The following DNAJC1 variants were observed in gnomAD, a reference collection of about 807,000 sequenced individuals.
The protein encoded by DNAJC1 is DnaJ heat shock protein family (Hsp40) member C1.
In DNAJC1, 58 loss-of-function variants were observed where a neutral mutation model predicts 76.6. The ratio of observed to expected loss-of-function variants is 0.76; its 90% confidence interval spans 0.61 to 0.94. The LOEUF is 0.94. DNAJC1 is among the 40% of genes least tolerant of loss of function. DNAJC1 has a pLI of 0.00. For missense variants in DNAJC1, 689 were observed against 677.3 expected, an observed-to-expected ratio of 1.02 and a Z score of -0.19; for synonymous variants, 258 against 267.9, an observed-to-expected ratio of 0.96 and a Z score of 0.36.
intron 9 of DNAJC1, among the ~76,000 whole-genome samples, chr10:21,770,849 AT>A (rs1451321326): frequency 6.6e-6 from 1 of 152,080 alleles, no homozygotes; most frequent in African/African-American, 2.4e-5. Context: ...CTGAGGTCCA[AT>A]TTATCTATTT....
chr10:21,930,963 A>C (rs868665703), intron 1 of DNAJC1, among the ~76,000 whole-genome samples: 1 of 152,208 alleles, frequency 6.6e-6, no homozygotes, highest in Non-Finnish European at 1.5e-5. Context: ...ATACATGTTC[A>C]CTACAGAACA....
chr10:21,818,277 T>C (rs1835105900), intron 8 of DNAJC1, among the ~76,000 whole-genome samples: 2 of 152,172 alleles, frequency 1.3e-5, no homozygotes, highest in South Asian at 2.1e-4. Flanking sequence ...CAGTCTCCCA[T>C]AGCGCTCCCA....
chr10:21,925,788 G>A (rs183593486), intron 3 of DNAJC1, among the ~76,000 whole-genome samples: 185 of 152,342 alleles, frequency 1.2e-3, no homozygotes, highest in Middle Eastern at 0.01. Flanking sequence ...AGATCAGGGT[G>A]AGGAACTACG....
intron 9 of DNAJC1, among the ~76,000 whole-genome samples, chr10:21,777,048 T>C (rs1834461498): frequency 6.6e-6 from 1 of 152,202 alleles, no homozygotes. Context: ...TAAGGTGCTA[T>C]GTACAAATCA....
chr10:21,874,662 GTTTTA>G (rs987990921), intron 8 of DNAJC1, among the ~76,000 whole-genome samples: 1 of 152,054 alleles, frequency 6.6e-6, no homozygotes, highest in African/African-American at 2.4e-5. Context: ...AATAGATATG[GTTTTA>G]TTTTATTTTC....
rs76472846 is a variant in DNAJC1 at position 21,823,075 on chromosome 10, T to C, written c.979-16976A>G. Among the ~76,000 whole-genome samples the C allele has an allele frequency of 3.9e-3, 591 of 152,176 alleles. 4 individuals are homozygous for C. Among genetic ancestry groups the C allele is most frequent in the African/African-American group, 0.013 (557 of 41,522 alleles). On this transcript the variant is annotated intron_variant, in intron 8 of 11. Coordinates refer to ENST00000376980, the MANE Select transcript of DNAJC1 (RefSeq NM_022365.4). The stretch of plus-strand genomic sequence containing the variant: ...GGAAAACATAATAAAGAGGAGTAAT[T>C]TGTAAATCATGACAATTTTAAAAAC...
chr10:21,924,495 A>G (rs1837089049), intron 3 of DNAJC1, among the ~76,000 whole-genome samples: 1 of 152,208 alleles, frequency 6.6e-6, no homozygotes, highest in Non-Finnish European at 1.5e-5. Context: ...GTATGTTAAT[A>G]TTACTAAAGC....
intron 1 of DNAJC1, among the ~76,000 whole-genome samples, chr10:21,996,226 A>G (rs982932822): frequency 6.6e-6 from 1 of 152,190 alleles, no homozygotes; most frequent in Non-Finnish European, 1.5e-5. Context: ...AACTGGTATC[A>G]TTACTGTCTA....
intron 8 of DNAJC1, among the ~76,000 whole-genome samples, chr10:21,833,891 C>T (rs1414126367): frequency 1.3e-5 from 2 of 152,020 alleles, no homozygotes; most frequent in African/African-American, 4.8e-5. Context: ...GATTAAGTGG[C>T]ACAGAAATGT....
intron 7 of DNAJC1, among the ~76,000 whole-genome samples, chr10:21,891,578 C>T (rs931559055): frequency 6.6e-6 from 1 of 151,156 alleles, no homozygotes; most frequent in Non-Finnish European, 1.5e-5. Flanking sequence ...AGAAACAAGA[C>T]CTTATCTGTA....
At chr10:21,801,680 A>G (rs565562305) in intron 9 of DNAJC1, among the ~76,000 whole-genome samples, 112 of 152,276 alleles carry the variant, frequency 7.4e-4, no homozygotes, top group African/African-American at 2.5e-3. Context: ...ATAAAGACAC[A>G]TGCACGTGAA....
In DNAJC1 at chr10:21,886,226, C is replaced by T. The variant is rs532471177; in HGVS notation, c.821-3787G>A. On this transcript the variant is annotated intron_variant, in intron 7 of 11. Coordinates refer to ENST00000376980, the MANE Select transcript of DNAJC1 (RefSeq NM_022365.4). ...ACCTCTATGCACACAAACTAGAAAA[C>T]CTAGAAGAGATGGATAAATTCCTGG... 8.6e-5 allele frequency among the ~76,000 whole-genome samples: 13 copies of T among 152,026 alleles called. No individual in the cohort carries two copies. The South Asian group carries it at 2.7e-3, about 32-fold the overall frequency.
At chr10:21,936,137 CA>C (rs1837308515) in intron 1 of DNAJC1, among the ~76,000 whole-genome samples, 1 of 152,132 alleles carries the variant, frequency 6.6e-6, no homozygotes, top group Non-Finnish European at 1.5e-5. Context: ...GTGATTAGGC[CA>C]AATGGGATTA....
intron 1 of DNAJC1, among the ~76,000 whole-genome samples, chr10:21,992,154 T>C (rs966397540): frequency 6.6e-6 from 1 of 152,118 alleles, no homozygotes; most frequent in African/African-American, 2.4e-5. Flanking sequence ...CTACTAAAAA[T>C]GCAAAAATTA....
At chr10:21,847,293 T>C (rs1400901610) in intron 8 of DNAJC1, among the ~76,000 whole-genome samples, 1 of 152,142 alleles carries the variant, frequency 6.6e-6, no homozygotes, top group East Asian at 1.9e-4. Context: ...TCATTTACTT[T>C]CTCCCAATTT....
intron 9 of DNAJC1, among the ~76,000 whole-genome samples, chr10:21,778,691 C>G (rs958656004): frequency 5.9e-5 from 9 of 152,204 alleles, no homozygotes; most frequent in African/African-American, 2.2e-4. Flanking sequence ...CGGGTGATTT[C>G]TGCATTTCCA....
chr10:21,952,147 A>C (rs896166447), intron 1 of DNAJC1, among the ~76,000 whole-genome samples: 2 of 152,206 alleles, frequency 1.3e-5, no homozygotes, highest in South Asian at 4.1e-4. Context: ...TGTTTTAGTA[A>C]GGTTTTTGTC....
intron 1 of DNAJC1, among the ~76,000 whole-genome samples, chr10:21,996,035 A>G (rs1838410966): frequency 6.6e-6 from 1 of 152,202 alleles, no homozygotes; most frequent in Non-Finnish European, 1.5e-5. Flanking sequence ...CCCATCTTTT[A>G]CAATTAAGTG....
intron 8 of DNAJC1, among the ~76,000 whole-genome samples, chr10:21,809,383 A>C (rs1834930260): frequency 6.6e-6 from 1 of 151,888 alleles, no homozygotes; most frequent in Non-Finnish European, 1.5e-5. Context: ...TATTAATAAT[A>C]ATTATTTATA....
Sources: allele counts gnomAD v4.1 joint callset (sites outside exome capture counted in the v4.1 genomes callset), GRCh38; gene constraint gnomAD v4.1.1; transcripts MANE v1.5; gene names NCBI Gene and HGNC (gene_info 2026-07-23, HGNC 2026-07-21).